Variants in USP53 observed in about 807,000 individuals in gnomAD.
USP53 encodes ubiquitin carboxyl-terminal hydrolase 53.
Under a neutral mutation model 94.9 loss-of-function variants are expected in USP53, and 71 were observed. The ratio of observed to expected loss-of-function variants is 0.75; its 90% confidence interval spans 0.62 to 0.91. The LOEUF is 0.91. Ranked by LOEUF, USP53 falls within the 40% of genes least tolerant of loss-of-function variation. USP53 has a pLI of 0.00. For missense variants in USP53, 1,173 were observed against 1,281.0 expected, an observed-to-expected ratio of 0.92 and a Z score of 1.29; for synonymous variants, 375 against 422.7, an observed-to-expected ratio of 0.89 and a Z score of 1.39.
intron 3 of USP53, among the ~76,000 whole-genome samples, chr4:119,230,298 A>G (rs1303641128): frequency 1.3e-5 from 2 of 152,190 alleles, no homozygotes; most frequent in Non-Finnish European, 2.9e-5. Flanking sequence ...GTGAGATCAT[A>G]TTAAATTCCT....
At position 119,271,598 on chromosome 4, in the gene USP53, C is replaced by T. The variant is rs187289445; in HGVS notation, c.1738C>T (p.Arg580Trp). ...GNSCDSSSKSRNRGWKPMRET... is the reference protein window; with the variant it reads ...GNSCDSSSKSWNRGWKPMRET... Reference sequence around the variant, plus strand: ...CAGCTGTGATAGCAGCAGTAAAAGCCGGAACCGAGGTTGGAAACCTATGAG... The same window carrying T: ...CAGCTGTGATAGCAGCAGTAAAAGCTGGAACCGAGGTTGGAAACCTATGAG... The change falls in exon 16 of 19, where the codon CGG (arginine) becomes TGG (tryptophan). Residue 580 changes from arginine (R) to tryptophan (W), a missense_variant. By Grantham distance (101) the Arg-to-Trp change is moderately radical (BLOSUM62 -3). Transcript: ENST00000692078. 100 of 1,613,650 alleles carry T rather than the reference C, an allele frequency of 6.2e-5. No homozygotes were observed. The Admixed American group carries it at 1.4e-3, about 22-fold the overall frequency.
At position 119,271,518 on chromosome 4, in the gene USP53, A is replaced by C. The variant is rs1751855356; in HGVS notation, c.1658A>C (p.Asp553Ala). 6.2e-7 allele frequency: 1 copy of C among 1,613,618 alleles called. No individual in the cohort carries two copies. The highest frequency in any genetic ancestry group is 8.5e-7 in the Non-Finnish European group (1 of 1,179,984). ...GEKITGKVKS[D>A]NGTGYDTDSS... is the part of the protein sequence containing the mutation. ...AAAATAACTGGCAAAGTTAAGAGTG[A>C]CAATGGCACTGGATATGACACAGAC... The change falls in exon 16 of 19, where the codon GAC (aspartate) becomes GCC (alanine). Residue 553 changes from aspartate (D) to alanine (A), a missense_variant. Asp to Ala is a moderately radical substitution (Grantham distance 126). Transcript: ENST00000692078.
Position 119,273,647 on chromosome 4 carries a change from A to C in USP53, c.2190A>C (p.Thr730=), listed in dbSNP as rs1266595127. The change falls in exon 17 of 19, where the codon ACA becomes ACC. Residue 730 remains threonine (T), a synonymous_variant. Coordinates refer to ENST00000692078, the MANE Select transcript of USP53 (RefSeq NM_001371395.1). The stretch of plus-strand genomic sequence containing the variant: ...TATTTTCTAGTGACCAGATTACGAC[A>C]AGCAACCTAAATAAAGAACGTGGGG... ...ETVCFSDQIT[T]SNLNKERGDC... is the part of the protein sequence containing the mutation. The C allele has an allele frequency of 1.2e-6, 2 of 1,613,028 alleles. No homozygotes were observed. The highest frequency in any genetic ancestry group is 1.3e-5 in the African/African-American group (1 of 74,864).
intron 17 of USP53, among the ~76,000 whole-genome samples, chr4:119,280,226 GTTTT>G (rs74427985): frequency 7.0e-6 from 1 of 142,478 alleles, no homozygotes. Context: ...GTCTTTCAAT[GTTTT>G]TTTTTTTTTG....
chr4:119,261,252 C>T (rs112334160), intron 11 of USP53, among the ~76,000 whole-genome samples: 5 of 152,150 alleles, frequency 3.3e-5, no homozygotes, highest in African/African-American at 1.2e-4. Context: ...TGAGCCACCA[C>T]ACCCCGCCAT....
At chr4:119,238,474 A>G (rs1294663921) in intron 4 of USP53, among the ~76,000 whole-genome samples, 1 of 152,202 alleles carries the variant, frequency 6.6e-6, no homozygotes, top group African/African-American at 2.4e-5. Flanking sequence ...AAACAATTAC[A>G]ATGGAAACAT....
Position 119,248,734 on chromosome 4 carries a change from T to G in USP53, c.238-14T>G. The G allele has an allele frequency of 6.2e-7, 1 of 1,607,100 alleles. No individual in the cohort carries two copies. The highest frequency in any genetic ancestry group is 8.5e-7 in the Non-Finnish European group (1 of 1,176,978). ...GCTGGCATTAAACTTACTGATTTTC[T>G]TGTCGATTCCCAGACGATATTTGCA... On this transcript the variant is annotated splice_polypyrimidine_tract_variant and intron_variant, in intron 6 of 18. Transcript: ENST00000692078.
rs1255318740 is a variant in USP53, at chr4:119,294,770, T to G, written c.*1559T>G. ...TACCAAGTCTTGGCCAAATTTTATC[T>G]TCTGCCTATAGTTTTTACTAGCCTT... On this transcript the variant is annotated 3_prime_UTR_variant, in exon 19 of 19. Transcript: ENST00000692078. 4 of 152,156 alleles carry G rather than the reference T, an allele frequency of 2.6e-5. No homozygotes were observed. The highest frequency in any genetic ancestry group is 5.9e-5 in the Non-Finnish European group (4 of 67,966). The allele number at this position is 152,156 out of a possible 1,614,324, so 9.4% of individuals were successfully genotyped here. A position where few individuals can be genotyped will look rare whatever the true frequency, so the allele number is the denominator to read the frequency against.
chr4:119,261,227 C>A (rs1750481803), intron 11 of USP53, among the ~76,000 whole-genome samples: 1 of 152,116 alleles, frequency 6.6e-6, no homozygotes, highest in African/African-American at 2.4e-5. Flanking sequence ...TCCCAAAGTG[C>A]TGGGATTACA....
At chr4:119,286,163 G>A (rs374953203) in intron 17 of USP53, among the ~76,000 whole-genome samples, 1 of 151,450 alleles carries the variant, frequency 6.6e-6, no homozygotes, top group Non-Finnish European at 1.5e-5. Context: ...TATTTCAAAT[G>A]TATTTTTATT....
intron 17 of USP53, among the ~76,000 whole-genome samples, chr4:119,276,222 AT>A (rs1360331003): frequency 7.5e-6 from 1 of 133,046 alleles, no homozygotes; most frequent in Non-Finnish European, 1.6e-5. Flanking sequence ...TCAGTATGAT[AT>A]TGGCTGTGGG....
rs75525778 is a variant in USP53, at chr4:119,237,719, G to A, written c.-542-1499G>A. On this transcript the variant is annotated intron_variant, in intron 4 of 18. Coordinates refer to ENST00000692078, the MANE Select transcript of USP53 (RefSeq NM_001371395.1). ...GATGACAGTCTTCATCTGTCAAACA[G>A]TTGATGACTGTTTCTTCAACACTGA... 1.5e-3 allele frequency among the ~76,000 whole-genome samples: 234 copies of A among 152,252 alleles called. 1 individual carries two copies. The highest frequency in any genetic ancestry group is 2.7e-3 in the Non-Finnish European group (184 of 68,022).
At chr4:119,256,152 T>C in intron 7 of USP53, 94 bp from the exon 8 acceptor site, 1 of 857,988 alleles carries the variant, frequency 1.2e-6, no homozygotes, top group Non-Finnish European at 1.8e-6. Context: ...CACTCTTAAA[T>C]TTATACTTTG....
At chr4:119,260,722 T>A in intron 11 of USP53, 69 bp downstream of exon 11, 1 of 1,563,760 alleles carries the variant, frequency 6.4e-7, no homozygotes, top group Non-Finnish European at 8.7e-7. Context: ...CCTGATGTTT[T>A]ATCTGATAAC....
chr4:119,234,160 G>A (rs1335831344), intron 3 of USP53, among the ~76,000 whole-genome samples: 1 of 152,162 alleles, frequency 6.6e-6, no homozygotes, highest in Non-Finnish European at 1.5e-5. Flanking sequence ...CACTGGAGTG[G>A]TAGCAGAGCT....
intron 2 of USP53, among the ~76,000 whole-genome samples, chr4:119,216,242 G>A (rs1237355581): frequency 2.0e-5 from 3 of 152,050 alleles, no homozygotes; most frequent in Non-Finnish European, 2.9e-5. Flanking sequence ...TTAGCCAGGC[G>A]TGGTGGTGCA....
chr4:119,240,725 G>T (rs1240880387), intron 5 of USP53, among the ~76,000 whole-genome samples: 1 of 152,152 alleles, frequency 6.6e-6, no homozygotes, highest in Admixed American at 6.5e-5. Flanking sequence ...CATGTAGAAT[G>T]TGTCAAGTGC....
At chr4:119,218,639 A>G (rs921351925) in intron 3 of USP53, 1 of 152,134 alleles carries the variant, frequency 6.6e-6, no homozygotes, top group Non-Finnish European at 1.5e-5. Context: ...TAGAGTGACA[A>G]TGGTTTTACA....
At chr4:119,251,664 C>T (rs1037487844) in intron 7 of USP53, among the ~76,000 whole-genome samples, 1 of 152,102 alleles carries the variant, frequency 6.6e-6, no homozygotes. Context: ...TTTTGAATAC[C>T]CTTCATCACT....
Sources: allele counts gnomAD v4.1 joint callset (sites outside exome capture counted in the v4.1 genomes callset), GRCh38; gene constraint gnomAD v4.1.1; transcripts MANE v1.5; gene names NCBI Gene and HGNC (gene_info 2026-07-23, HGNC 2026-07-21).